The following PLXNA4 variants were observed in gnomAD, a reference collection of about 807,000 sequenced individuals.
PLXNA4 encodes plexin-A4.
PLXNA4 carries 44 observed loss-of-function variants against 191.8 expected under a neutral mutation model. That is an observed-to-expected ratio of 0.23 (90% CI 0.18 to 0.29). The LOEUF (loss-of-function observed/expected upper bound fraction) is 0.29. Ranked by LOEUF, PLXNA4 falls within the 10% of genes least tolerant of loss-of-function variation. PLXNA4 has a pLI of 1.00. For missense variants in PLXNA4, 1,800 were observed against 2,488.8 expected (o/e 0.72, Z 5.89); for synonymous variants, 1,082 against 1,009.5 (o/e 1.07, Z -1.36).
chr7:132,132,497 TTTCTATTCTATTCTATTCTATTCTA>T lies in PLXNA4; in HGVS notation c.5589+527_5589+551del, dbSNP rs1159802824. 2.7e-3 allele frequency among the ~76,000 whole-genome samples: 306 copies of T among 111,946 alleles called. 4 individuals are homozygous for T. Among genetic ancestry groups the T allele is most frequent in the East Asian group, 7.5e-3 (29 of 3,884 alleles). The allele number at this position is 111,946 out of a possible 152,430, so 73.4% of individuals were successfully genotyped here. A position where few individuals can be genotyped will look rare whatever the true frequency, so the allele number is the denominator to read the frequency against. On this transcript the variant is annotated intron_variant, in intron 31 of 31. Coordinates refer to ENST00000321063, the MANE Select transcript of PLXNA4 (RefSeq NM_020911.2). Reference sequence around the variant, plus strand: ...GCTCTGCTCTGCTCTGCTCTATTCTTTTCTATTCTATTCTATTCTATTCTATTCTATTCTATTCTATTCTATTCTA... The same window carrying T: ...GCTCTGCTCTGCTCTGCTCTATTCTTTTCTATTCTATTCTATTCTATTCTA...
chr7:132,605,753 G>C (rs1802912516), intron 2 of PLXNA4, among the ~76,000 whole-genome samples: 1 of 151,768 alleles, frequency 6.6e-6, no homozygotes, highest in African/African-American at 2.4e-5. Context: ...AGATCAGACT[G>C]GATCAGGGTG....
In PLXNA4 at chr7:132,331,315, C is replaced by T. The variant is rs193279080; in HGVS notation, c.1372-33093G>A. ...GGGGCTGGCAGAGGGGCTGAAACAC[C>T]GCTGCACACAGCCTCACCTTTGCCA... On this transcript the variant is annotated intron_variant, in intron 3 of 31. Coordinates refer to ENST00000321063, the MANE Select transcript of PLXNA4 (RefSeq NM_020911.2). 3.5e-3 allele frequency among the ~76,000 whole-genome samples: 530 copies of T among 152,364 alleles called. 2 individuals carry two copies. The highest frequency in any genetic ancestry group is 0.012 in the African/African-American group (508 of 41,596).
chr7:132,620,193 C>T (rs1803234534), intron 2 of PLXNA4, among the ~76,000 whole-genome samples: 1 of 152,182 alleles, frequency 6.6e-6, no homozygotes, highest in African/African-American at 2.4e-5. Flanking sequence ...CATAATGACA[C>T]ATTCAGTATG....
At chr7:132,280,127 C>G (rs559954189) in intron 4 of PLXNA4, among the ~76,000 whole-genome samples, 10 of 152,282 alleles carry the variant, frequency 6.6e-5, no homozygotes, top group African/African-American at 2.2e-4. Flanking sequence ...TCATGACCCA[C>G]TAAATTGATT....
intron 2 of PLXNA4, among the ~76,000 whole-genome samples, chr7:132,585,407 A>G (rs764514838): frequency 2.0e-5 from 3 of 152,180 alleles, no homozygotes; most frequent in Non-Finnish European, 4.4e-5. Flanking sequence ...AGCCAGAGAC[A>G]GGCAAATGGC....
intron 4 of PLXNA4, among the ~76,000 whole-genome samples, chr7:132,288,545 A>G (rs1017989157): frequency 7.2e-5 from 11 of 152,136 alleles, no homozygotes; most frequent in African/African-American, 2.4e-4. Context: ...CCTGTCACTC[A>G]TTCCTCAGCC....
At chr7:132,273,721 A>G (rs539196474) in intron 4 of PLXNA4, among the ~76,000 whole-genome samples, 87 of 152,254 alleles carry the variant, frequency 5.7e-4, no homozygotes, top group African/African-American at 2.0e-3. Context: ...CCCCCCATTT[A>G]TAAAATGGAG....
At chr7:132,333,321 TCTCCCAGCTCCCCTCCATGCTGCACCTA>T (rs1291581796) in intron 3 of PLXNA4, among the ~76,000 whole-genome samples, 2 of 152,176 alleles carry the variant, frequency 1.3e-5, no homozygotes, top group Non-Finnish European at 2.9e-5. Flanking sequence ...AATAATGGGC[TCTCCCAGCTCCCCTCCATGCTGCACCTA>T]CTCCCAGCTC....
chr7:132,618,980 G>C (rs1803208875), intron 2 of PLXNA4, among the ~76,000 whole-genome samples: 1 of 151,942 alleles, frequency 6.6e-6, no homozygotes, highest in South Asian at 2.1e-4. Flanking sequence ...GAAGAGGACA[G>C]AAATTATTTG....
At chr7:132,177,958 T>C (rs560595300) in intron 20 of PLXNA4, among the ~76,000 whole-genome samples, 1 of 152,144 alleles carries the variant, frequency 6.6e-6, no homozygotes, top group Non-Finnish European at 1.5e-5. Context: ...GGGGCCGGAT[T>C]TACTCCATGT....
intron 1 of PLXNA4, among the ~76,000 whole-genome samples, chr7:132,528,944 G>C (rs770305716): frequency 1.6e-4 from 24 of 152,222 alleles, no homozygotes; most frequent in African/African-American, 5.8e-4. Flanking sequence ...AGCTGTGCTC[G>C]CTGATGATAC....
At chr7:132,531,702 C>G (rs548258888) in intron 1 of PLXNA4, among the ~76,000 whole-genome samples, 1 of 152,278 alleles carries the variant, frequency 6.6e-6, no homozygotes, top group Non-Finnish European at 1.5e-5. Flanking sequence ...AGTGCTGTGA[C>G]AAGCAGCAGT....
intron 3 of PLXNA4, among the ~76,000 whole-genome samples, chr7:132,379,022 T>C (rs1428348417): frequency 1.3e-5 from 2 of 152,094 alleles, no homozygotes; most frequent in Non-Finnish European, 2.9e-5. Flanking sequence ...AGCTAATTTT[T>C]ATATTTTTTA....
chr7:132,475,568 C>A (rs1317903758), intron 3 of PLXNA4, among the ~76,000 whole-genome samples: 2 of 152,068 alleles, frequency 1.3e-5, no homozygotes, highest in Non-Finnish European at 2.9e-5. Flanking sequence ...GACAAAAGCA[C>A]AGGTCAAGGG....
At chr7:132,169,126 C>T (rs758973001) in intron 21 of PLXNA4, among the ~76,000 whole-genome samples, 4 of 152,224 alleles carry the variant, frequency 2.6e-5, no homozygotes, top group Non-Finnish European at 5.9e-5. Context: ...CTTTCCTTCT[C>T]TGGGGGCCCA....
At chr7:132,628,605 AT>A (rs1018458258) in intron 2 of PLXNA4, among the ~76,000 whole-genome samples, 1 of 150,318 alleles carries the variant, frequency 6.7e-6, no homozygotes, top group African/African-American at 2.5e-5. Context: ...AACATCTTTT[AT>A]TTTTTGGATC....
At chr7:132,491,428 T>C (rs1161131526) in intron 2 of PLXNA4, among the ~76,000 whole-genome samples, 1 of 152,176 alleles carries the variant, frequency 6.6e-6, no homozygotes, top group Non-Finnish European at 1.5e-5. Context: ...GAAGGTGACC[T>C]GCTCAGCATC....
At chr7:132,605,199 C>G (rs1802900894) in intron 2 of PLXNA4, among the ~76,000 whole-genome samples, 1 of 152,194 alleles carries the variant, frequency 6.6e-6, no homozygotes, top group Non-Finnish European at 1.5e-5. Context: ...TATTCAAGGT[C>G]ACACAGTTAG....
Position 132,489,651 on chromosome 7 carries a change from C to T in PLXNA4, c.1189-177G>A, listed in dbSNP as rs185523076. Among the ~76,000 whole-genome samples the T allele has an allele frequency of 5.3e-4, 80 of 152,270 alleles. 1 individual carries two copies. The highest frequency in any genetic ancestry group is 3.9e-4 in the East Asian group (2 of 5,174). ...AAACTAGGTGACCTGTGAAGAGTCA[C>T]CTGAGTGGGCAGGTGCAGGGACATG... On this transcript the variant is annotated intron_variant, in intron 2 of 31. Transcript: ENST00000321063.
Sources: allele counts gnomAD v4.1 joint callset (sites outside exome capture counted in the v4.1 genomes callset), GRCh38; gene constraint gnomAD v4.1.1; transcripts MANE v1.5; gene names NCBI Gene and HGNC (gene_info 2026-07-23, HGNC 2026-07-21).